The following PGLYRP3 variants were observed in gnomAD, a reference collection of about 807,000 sequenced individuals.
The protein encoded by PGLYRP3 is peptidoglycan recognition protein I alpha.
PGLYRP3 carries 39 observed loss-of-function variants against 36.0 expected under a neutral mutation model. The ratio of observed to expected loss-of-function variants is 1.08; its 90% confidence interval spans 0.84 to 1.41. The LOEUF (loss-of-function observed/expected upper bound fraction) is 1.41. Among genes scored for constraint, PGLYRP3 ranks in the 40% most tolerant of loss-of-function variants. The pLI is 0.00. For missense variants in PGLYRP3, 407 were observed against 427.9 expected, an observed-to-expected ratio of 0.95 and a Z score of 0.43; for synonymous variants, 204 against 172.8, an observed-to-expected ratio of 1.18 and a Z score of -1.42.
chr1:153,308,195 C>T (rs543691202), intron 2 of PGLYRP3, among the ~76,000 whole-genome samples: 75 of 152,220 alleles, frequency 4.9e-4, no homozygotes, highest in African/African-American at 1.4e-3. Flanking sequence ...AGGGTTTCAC[C>T]GTGTTAGCCA....
chr1:153,297,342 G>A lies in PGLYRP3; in HGVS notation c.*614C>T, dbSNP rs900909924. Among the ~76,000 whole-genome samples, 11 of 150,860 alleles carry A rather than the reference G, an allele frequency of 7.3e-5. No individual in the cohort carries two copies. Among genetic ancestry groups the A allele is most frequent in the African/African-American group, 2.7e-4 (11 of 40,940 alleles). Reference sequence around the variant, plus strand: ...CAAATATGTACCAGTCCATGTGTGAGCAGAGAGGGGGGGTGGGCACACTGA... The same window carrying A: ...CAAATATGTACCAGTCCATGTGTGAACAGAGAGGGGGGGTGGGCACACTGA... On this transcript the variant is annotated 3_prime_UTR_variant, in exon 8 of 8. Coordinates refer to ENST00000683862, the MANE Select transcript of PGLYRP3 (RefSeq NM_052891.3).
At chr1:153,310,299 C>T (rs951104744) in intron 2 of PGLYRP3, among the ~76,000 whole-genome samples, 1 of 152,194 alleles carries the variant, frequency 6.6e-6, no homozygotes, top group African/African-American at 2.4e-5. Context: ...ACTACTTGGG[C>T]ATTGTGCTAA....
chr1:153,299,057 C>T, intron 7 of PGLYRP3, 56 bp downstream of exon 7: 11 of 1,423,796 alleles, frequency 7.7e-6, no homozygotes, highest in Non-Finnish European at 1.1e-5. Flanking sequence ...GCTTCCCAGA[C>T]ATGCTGCATG....
At position 153,310,606 on chromosome 1, in the gene PGLYRP3, C is replaced by T; in HGVS notation, c.55+5G>A. 6.2e-7 allele frequency: 1 copy of T among 1,614,038 alleles called. No homozygotes were observed. Among genetic ancestry groups the T allele is most frequent in the African/African-American group, 1.3e-5 (1 of 75,048 alleles). On this transcript the variant is annotated splice_donor_5th_base_variant and intron_variant, in intron 2 of 7. Coordinates refer to ENST00000683862, the MANE Select transcript of PGLYRP3 (RefSeq NM_052891.3). ...GCACTTCTGATGCAAGTAAATAAAA[C>T]TTACCCCAAGCCTGGAGACCCAGAA...
intron 3 of PGLYRP3, 22 bp from the exon 4 acceptor site, chr1:153,305,087 T>C (rs746509882): frequency 6.3e-7 from 1 of 1,584,052 alleles, no homozygotes; most frequent in African/African-American, 1.4e-5. Flanking sequence ...GAAATAATGA[T>C]TTTACTGCAA....
intron 1 of PGLYRP3, among the ~76,000 whole-genome samples, 71 bp downstream of exon 1, chr1:153,312,572 C>T (rs1266764450): frequency 6.6e-6 from 1 of 151,902 alleles, no homozygotes; most frequent in Admixed American, 6.6e-5. Flanking sequence ...AGACTTCCGT[C>T]CCATTGCTGA....
chr1:153,308,635 G>C (rs1659816991), intron 2 of PGLYRP3, among the ~76,000 whole-genome samples: 1 of 152,210 alleles, frequency 6.6e-6, no homozygotes, highest in African/African-American at 2.4e-5. Flanking sequence ...GAGAGCACTG[G>C]TGCATTGGTG....
chr1:153,311,497 C>T (rs1200823664), intron 1 of PGLYRP3, among the ~76,000 whole-genome samples: 1 of 152,148 alleles, frequency 6.6e-6, no homozygotes, highest in Non-Finnish European at 1.5e-5. Flanking sequence ...AACTTCACAA[C>T]CTGTTTGAGT....
intron 1 of PGLYRP3, among the ~76,000 whole-genome samples, chr1:153,311,321 T>A (rs1659892353): frequency 6.6e-6 from 1 of 152,186 alleles, no homozygotes; most frequent in African/African-American, 2.4e-5. Context: ...TGCTGAGGAC[T>A]CCATGGATAT....
In PGLYRP3 at chr1:153,299,071, C is replaced by T. The variant is rs754700318; in HGVS notation, c.847+42G>A. On this transcript the variant is annotated intron_variant, in intron 7 of 7. Coordinates refer to ENST00000683862, the MANE Select transcript of PGLYRP3 (RefSeq NM_052891.3). ...TGCTTCCCAGACATGCTGCATGGTC[C>T]TTCAACCCCCAGCACCCCTCTACCC... is the stretch of plus-strand genomic sequence containing the variant. 4.6e-6 allele frequency: 7 copies of T among 1,526,722 alleles called. No homozygotes were observed. In the East Asian group the frequency reaches 1.1e-4, roughly 25 times the overall value. The allele number at this position is 1,526,722 out of a possible 1,614,324, so 94.6% of individuals were successfully genotyped here. A position where few individuals can be genotyped will look rare whatever the true frequency, so the allele number is the denominator to read the frequency against.
chr1:153,305,077 G>C lies in PGLYRP3; in HGVS notation c.258-12C>G, dbSNP rs758097617. ...CCCCAACCAGGAAGCTGACAAGAAG[G>C]AAATAATGATTTTACTGCAAATCTC... On this transcript the variant is annotated splice_polypyrimidine_tract_variant and intron_variant, in intron 3 of 7. Transcript: ENST00000683862. 1 of 1,598,254 alleles carries C rather than the reference G, an allele frequency of 6.3e-7. No homozygotes were observed. The highest frequency in any genetic ancestry group is 1.1e-5 in the South Asian group (1 of 88,960).
intron 3 of PGLYRP3, among the ~76,000 whole-genome samples, chr1:153,306,330 A>ATG (rs1247701662): frequency 3.3e-5 from 5 of 152,070 alleles, no homozygotes; most frequent in Non-Finnish European, 7.4e-5. Flanking sequence ...CTCCTTCTAC[A>ATG]TGTGTCTCCT....
chr1:153,306,916 C>A, intron 3 of PGLYRP3, 150 bp downstream of exon 3: 1 of 771,042 alleles, frequency 1.3e-6, no homozygotes, highest in Admixed American at 2.5e-5. Context: ...CCGAAGGATT[C>A]GGATTTTGTT....
rs149238976 is a variant in PGLYRP3, at chr1:153,311,811, G to A, written c.-42+832C>T. Reference sequence around the variant, plus strand: ...AAATTTTTAAAACCATGTCTTAAGAGTAGAACATGTGGAAGCCTCCTGGGT... The same window carrying A: ...AAATTTTTAAAACCATGTCTTAAGAATAGAACATGTGGAAGCCTCCTGGGT... On this transcript the variant is annotated intron_variant, in intron 1 of 7. Transcript: ENST00000683862. 4.9e-3 allele frequency among the ~76,000 whole-genome samples: 745 copies of A among 152,332 alleles called. 7 individuals carry two copies. Among genetic ancestry groups the A allele is most frequent in the African/African-American group, 0.017 (715 of 41,564 alleles).
rs908664113 is a variant in PGLYRP3, at chr1:153,306,197, A to AAAAT, written c.257+865_257+868dup. Reference sequence around the variant, plus strand: ...AGCTGCTCTTATTTATTTGTGTTTAAAAATAAATAAATAAATAAATAAGAC... The same window carrying AAAAT: ...AGCTGCTCTTATTTATTTGTGTTTAAAAATAAATAAATAAATAAATAAATAAGAC... On this transcript the variant is annotated intron_variant, in intron 3 of 7. Coordinates refer to ENST00000683862, the MANE Select transcript of PGLYRP3 (RefSeq NM_052891.3). Among the ~76,000 whole-genome samples the AAAAT allele has an allele frequency of 3.9e-4, 59 of 152,316 alleles. 2 individuals are homozygous for AAAAT. Among genetic ancestry groups the AAAAT allele is most frequent in the East Asian group, 2.5e-3 (13 of 5,188 alleles).
At chr1:153,300,776 A>AACGATGTAC (rs57577697) in intron 6 of PGLYRP3, among the ~76,000 whole-genome samples, 72,054 of 151,820 alleles carry the variant, frequency 0.47, 18,067 homozygotes, top group East Asian at 0.72. Context: ...TTTCAAAACA[A>AACGATGTAC]ACTTTTGCCT....
rs1055310539 is a variant in PGLYRP3, at chr1:153,312,951, A to T, written c.-350T>A. On this transcript the variant is annotated 5_prime_UTR_variant, in exon 1 of 8. Coordinates refer to ENST00000683862, the MANE Select transcript of PGLYRP3 (RefSeq NM_052891.3). ...TGTTTACAGCACCCAGAGAAACTTA[A>T]GTGGGAACAGACCCAGGCTGAGAGC... 6.6e-6 allele frequency among the ~76,000 whole-genome samples: 1 copy of T among 152,190 alleles called. No individual in the cohort carries two copies. Among genetic ancestry groups the T allele is most frequent in the East Asian group, 1.9e-4 (1 of 5,184 alleles).
Position 153,297,869 on chromosome 1 carries a change from C to T in PGLYRP3, c.*87G>A. On this transcript the variant is annotated 3_prime_UTR_variant, in exon 8 of 8. Coordinates refer to ENST00000683862, the MANE Select transcript of PGLYRP3 (RefSeq NM_052891.3). ...AGGATGGGCTGGCAGGGGAGGGGGA[C>T]ACAAGGTGCTGAGCCACCTTGGCTG... 1 of 1,435,916 alleles carries T rather than the reference C, an allele frequency of 7.0e-7. No homozygotes were observed. The highest frequency in any genetic ancestry group is 1.3e-5 in the South Asian group (1 of 78,246). The allele number at this position is 1,435,916 out of a possible 1,614,324, so 88.9% of individuals were successfully genotyped here. A position where few individuals can be genotyped will look rare whatever the true frequency, so the allele number is the denominator to read the frequency against.
chr1:153,310,583 A>C, intron 2 of PGLYRP3, 28 bp downstream of exon 2: 1 of 1,609,792 alleles, frequency 6.2e-7, no homozygotes, highest in South Asian at 1.1e-5. Context: ...CATCAAAAGC[A>C]CTTCTGATGC....
Sources: allele counts gnomAD v4.1 joint callset (sites outside exome capture counted in the v4.1 genomes callset), GRCh38; gene constraint gnomAD v4.1.1; transcripts MANE v1.5; gene names NCBI Gene and HGNC (gene_info 2026-07-23, HGNC 2026-07-21).